The following USP24 variants were observed in gnomAD, a reference collection of about 807,000 sequenced individuals.
USP24 encodes the protein ubiquitin carboxyl-terminal hydrolase 24.
In USP24, 97 loss-of-function variants were observed where a neutral mutation model predicts 361.6. The ratio of observed to expected loss-of-function variants is 0.27; its 90% CI spans 0.23 to 0.32. USP24 has a LOEUF of 0.32. Among genes scored for constraint, USP24 ranks in the 10% least tolerant of loss-of-function variants. The pLI is 1.00. For missense variants in USP24, 2,353 were observed against 3,165.6 expected (o/e 0.74, Z 6.16); for synonymous variants, 1,098 against 1,124.6 (o/e 0.98, Z 0.47).
rs78414469 is a variant in USP24, at chr1:55,086,840, G to A, written c.6669-802C>T. On this transcript the variant is annotated intron_variant, in intron 55 of 67. Coordinates refer to ENST00000294383, the MANE Select transcript of USP24 (RefSeq NM_015306.3). ...GATAGCTAAGGCAAGACAGGCAAAT[G>A]TCAACAACTTGCCTGGGGCCTGGGT... is the stretch of plus-strand genomic sequence containing the variant. Among the ~76,000 whole-genome samples the A allele has an allele frequency of 2.2e-3, 340 of 152,318 alleles. 3 individuals carry two copies. Among genetic ancestry groups the A allele is most frequent in the African/African-American group, 7.8e-3 (326 of 41,580 alleles).
At chr1:55,119,363 TC>T (rs1400818098) in intron 38 of USP24, among the ~76,000 whole-genome samples, 4 of 151,804 alleles carry the variant, frequency 2.6e-5, no homozygotes, top group Admixed American at 2.6e-4. Flanking sequence ...GTACCTAGAG[TC>T]GTCAAATCCT....
chr1:55,161,430 TA>T (rs991611445), intron 8 of USP24, among the ~76,000 whole-genome samples: 5 of 148,906 alleles, frequency 3.4e-5, no homozygotes, highest in South Asian at 2.1e-4. Context: ...CAGAACCTAC[TA>T]AAAAAAAATC....
intron 59 of USP24, 87 bp downstream of exon 59, chr1:55,081,235 A>C: frequency 7.5e-7 from 1 of 1,340,800 alleles, no homozygotes; most frequent in Non-Finnish European, 1.0e-6. Flanking sequence ...AATGAGAAAC[A>C]AGAGACATTC....
Position 55,144,190 on chromosome 1 carries a change from A to G in USP24, c.2376T>C (p.Phe792=). 1 of 1,597,626 alleles carries G rather than the reference A, an allele frequency of 6.3e-7. No homozygotes were observed. The highest frequency in any genetic ancestry group is 8.5e-7 in the Non-Finnish European group (1 of 1,170,630). Residue 792 remains phenylalanine, a synonymous_variant, in exon 21 of 68, where the codon TTT becomes TTC. Transcript: ENST00000294383. The part of the protein sequence containing the change: ...YEITMNGFNL[F]KTFFENVNLC... ...GATTCACATTTTCAAAAAAAGTTTT[A>G]AATAAGTTAAAACCTGTAATTATAG... is the stretch of plus-strand genomic sequence containing the variant.
At chr1:55,115,895 T>C (rs1356407919) in intron 38 of USP24, among the ~76,000 whole-genome samples, 3 of 152,204 alleles carry the variant, frequency 2.0e-5, no homozygotes, top group African/African-American at 7.2e-5. Flanking sequence ...GAAATCATCA[T>C]TCTCAGCAAA....
At chr1:55,133,220 GA>G (rs757455092) in intron 30 of USP24, among the ~76,000 whole-genome samples, 1 of 151,970 alleles carries the variant, frequency 6.6e-6, no homozygotes, top group Non-Finnish European at 1.5e-5. Flanking sequence ...TTTATTCTGA[GA>G]ACATAATTAA....
intron 8 of USP24, among the ~76,000 whole-genome samples, chr1:55,160,333 C>A (rs1156482042): frequency 6.6e-6 from 1 of 152,152 alleles, no homozygotes; most frequent in African/African-American, 2.4e-5. Flanking sequence ...GGCAGTTATC[C>A]AGATAGAATT....
chr1:55,096,369 T>C (rs999192979), intron 50 of USP24, 129 bp downstream of exon 50: 3 of 772,344 alleles, frequency 3.9e-6, no homozygotes, highest in African/African-American at 3.7e-5. Flanking sequence ...CTCATGGTTC[T>C]ATTGCTAGAA....
chr1:55,081,448 G>C (rs1353828921), intron 58 of USP24, 24 bp from the exon 59 acceptor site: 1 of 1,605,078 alleles, frequency 6.2e-7, no homozygotes, highest in African/African-American at 1.3e-5. Flanking sequence ...AGATAAAGTG[G>C]CTGTTAGTGT....
chr1:55,097,780 C>G, intron 47 of USP24, 63 bp from the exon 48 acceptor site: 1 of 1,506,828 alleles, frequency 6.6e-7, no homozygotes, highest in Non-Finnish European at 8.8e-7. Flanking sequence ...AATAAAACAG[C>G]ACAGTAATTA....
chr1:55,162,173 A>C, intron 8 of USP24, 26 bp downstream of exon 8: 2 of 1,571,332 alleles, frequency 1.3e-6, no homozygotes, highest in Middle Eastern at 1.7e-4. Context: ...AATCATATGA[A>C]GTAATGTGAA....
chr1:55,094,654 A>G (rs983238034), intron 51 of USP24, among the ~76,000 whole-genome samples: 1 of 146,740 alleles, frequency 6.8e-6, no homozygotes, highest in Non-Finnish European at 1.5e-5. Flanking sequence ...GCATAGCATT[A>G]TGCTTTGGAC....
At chr1:55,105,141 T>C (rs1024240540) in intron 41 of USP24, among the ~76,000 whole-genome samples, 6 of 152,200 alleles carry the variant, frequency 3.9e-5, no homozygotes, top group Non-Finnish European at 7.4e-5. Flanking sequence ...TTATTAATAA[T>C]AAAACTGCTA....
chr1:55,106,057 G>C, intron 41 of USP24, 89 bp downstream of exon 41: 1 of 1,008,952 alleles, frequency 9.9e-7, no homozygotes, highest in Non-Finnish European at 1.5e-6. Flanking sequence ...ACAGATGGAA[G>C]ACAAACTCCA....
intron 38 of USP24, among the ~76,000 whole-genome samples, chr1:55,111,651 A>G (rs1418741074): frequency 6.6e-6 from 1 of 152,128 alleles, no homozygotes; most frequent in Non-Finnish European, 1.5e-5. Context: ...AAATATCACT[A>G]AAGAATTATT....
intron 57 of USP24, 42 bp downstream of exon 57, chr1:55,083,730 T>C (rs2100438142): frequency 6.9e-7 from 1 of 1,456,560 alleles, no homozygotes; most frequent in Non-Finnish European, 9.3e-7. Context: ...AGAGTATAAA[T>C]CTTCTGTATT....
In USP24 at chr1:55,107,331, T is replaced by C; in HGVS notation, c.4670A>G (p.Glu1557Gly). 6.2e-7 allele frequency: 1 copy of C among 1,613,988 alleles called. No individual in the cohort carries two copies. The highest frequency in any genetic ancestry group is 8.5e-7 in the Non-Finnish European group (1 of 1,179,880). ...NFEPNRTAEC[E>G]TSEADNILLA... ...TAAGATGTTGTCCGCTTCACTGGTC[T>C]CACATTCAGCTGTACGATTAGGTTC... Residue 1557 changes from glutamate (E) to glycine (G), a missense_variant, in exon 40 of 68, where the codon GAG (glutamate) becomes GGG (glycine). Transcript: ENST00000294383.
intron 64 of USP24, 110 bp from the exon 65 acceptor site, chr1:55,072,971 T>C (rs1298830252): frequency 2.6e-5 from 28 of 1,086,054 alleles, no homozygotes; most frequent in Non-Finnish European, 3.4e-5. Flanking sequence ...TCTTTATATT[T>C]GTGATTCTAC....
At chr1:55,187,498 A>C (rs1030335693) in intron 1 of USP24, among the ~76,000 whole-genome samples, 12 of 152,300 alleles carry the variant, frequency 7.9e-5, no homozygotes, top group Middle Eastern at 3.4e-3. Context: ...GGATGAAATA[A>C]AACTACTTCT....
Sources: allele counts gnomAD v4.1 joint callset (sites outside exome capture counted in the v4.1 genomes callset), GRCh38; gene constraint gnomAD v4.1.1; transcripts MANE v1.5; gene names NCBI Gene and HGNC (gene_info 2026-07-23, HGNC 2026-07-21).